PREX1: variants seen among roughly 807,000 people sequenced by gnomAD.
The protein encoded by PREX1 is phosphatidylinositol 3,4,5-trisphosphate-dependent Rac exchanger 1 protein.
A neutral mutation model predicts 198.3 loss-of-function variants in PREX1; 41 were observed. The observed-to-expected ratio is 0.21, with a 90% CI of 0.16 to 0.27. PREX1 has a LOEUF of 0.27. Ranked by LOEUF, PREX1 falls within the 10% of genes least tolerant of loss-of-function variation. PREX1 has a pLI of 1.00. For synonymous variants in PREX1, 843 were observed against 887.2 expected (o/e 0.95, Z 0.89); for missense variants, 1,620 against 2,200.7 (o/e 0.74, Z 5.28).
At position 48,794,615 on chromosome 20, in the gene PREX1, C is replaced by T. The variant is rs550369719; in HGVS notation, c.219+33027G>A. Among the ~76,000 whole-genome samples the T allele has an allele frequency of 4.6e-5, 7 of 152,226 alleles. No homozygotes were observed. The South Asian group carries it at 1.0e-3, about 23-fold the overall frequency. ...GGGCAGCCTCTGCAGAGGAGGAGGCCGGCTGGTCAGGCTGGGGGCTGGGCC... is the reference window on the plus strand; with the variant it reads ...GGGCAGCCTCTGCAGAGGAGGAGGCTGGCTGGTCAGGCTGGGGGCTGGGCC... On this transcript the variant is annotated intron_variant, in intron 1 of 39. Transcript: ENST00000371941.
At chr20:48,748,171 A>C (rs2090118086) in intron 1 of PREX1, among the ~76,000 whole-genome samples, 1 of 152,174 alleles carries the variant, frequency 6.6e-6, no homozygotes, top group Non-Finnish European at 1.5e-5. Flanking sequence ...GCCTTCGAGG[A>C]ACCTTTGGCC....
intron 1 of PREX1, among the ~76,000 whole-genome samples, chr20:48,778,259 G>A (rs1450849425): frequency 6.6e-6 from 1 of 152,148 alleles, no homozygotes; most frequent in Non-Finnish European, 1.5e-5. Context: ...CAGTGTTGGA[G>A]GATTCACATT....
At chr20:48,874,046 T>C in the PREX1 span, among the ~76,000 whole-genome samples, 1,550 of 152,198 alleles carry the variant, frequency 0.01, 13 homozygotes, top group Non-Finnish European at 0.013. Flanking sequence ...CACACCCAGG[T>C]CAGAAACGTT....
rs190992724 is a variant in PREX1, at chr20:48,675,296, G to A, written c.1665+897C>T. Reference sequence around the variant, plus strand: ...CAGACGGCAGCCTTCGACAGACACCGAACCTGCCGGCACCTTGGTCTGGAA... The same window carrying A: ...CAGACGGCAGCCTTCGACAGACACCAAACCTGCCGGCACCTTGGTCTGGAA... On this transcript the variant is annotated intron_variant, in intron 14 of 39. Coordinates refer to ENST00000371941, the MANE Select transcript of PREX1 (RefSeq NM_020820.4). 2.1e-3 allele frequency among the ~76,000 whole-genome samples: 316 copies of A among 152,304 alleles called. 2 individuals carry two copies. Among genetic ancestry groups the A allele is most frequent in the African/African-American group, 7.3e-3 (304 of 41,562 alleles).
chr20:48,746,756 T>TA (rs1234607459), intron 2 of PREX1, among the ~76,000 whole-genome samples: 4 of 138,554 alleles, frequency 2.9e-5, no homozygotes, highest in Non-Finnish European at 5.0e-5. Context: ...TTCTACCTCA[T>TA]TAAAAAAAAA....
At chr20:48,753,267 G>A (rs1287178844) in intron 1 of PREX1, among the ~76,000 whole-genome samples, 2 of 152,166 alleles carry the variant, frequency 1.3e-5, no homozygotes, top group Admixed American at 1.3e-4. Flanking sequence ...CCAAGAGTAT[G>A]AGACACTGGT....
chr20:48,695,795 T>C (rs1383745717), intron 7 of PREX1, among the ~76,000 whole-genome samples: 1 of 152,246 alleles, frequency 6.6e-6, no homozygotes, highest in Non-Finnish European at 1.5e-5. Flanking sequence ...CAATTTTTTT[T>C]CTGAAAAGGG....
chr20:48,839,746 A>G, the PREX1 span, among the ~76,000 whole-genome samples: 2 of 152,248 alleles, frequency 1.3e-5, no homozygotes, highest in Non-Finnish European at 2.9e-5. Flanking sequence ...CATCACCTCT[A>G]GTGCTGGCCC....
In PREX1 at chr20:48,655,320, C is replaced by A; in HGVS notation, c.2179G>T (p.Ala727Ser). The A allele has an allele frequency of 6.3e-7, 1 of 1,598,198 alleles. No homozygotes were observed. Residue 727 changes from alanine (A) to serine (S), a missense_variant, in exon 19 of 40, where the codon GCC (alanine) becomes TCC (serine). By Grantham distance (99) the Ala-to-Ser change is moderately conservative. Around this residue, in one of 7 missense-constraint regions of PREX1, gnomAD observed 514 missense variants for 611.6 expected, o/e 0.84. Transcript: ENST00000371941. The stretch of plus-strand genomic sequence containing the variant: ...CCCACAGCATAGACGTACGGTGGGG[C>A]AGCTCCACGAATCTGGAAGCACAGT... Reference protein sequence around the residue: ...DTLCFQIRGAAPPYVYAVGRG... With the variant: ...DTLCFQIRGASPPYVYAVGRG...
In PREX1 at chr20:48,666,589, G is replaced by A. The variant is rs899650758; in HGVS notation, c.1666-234C>T. Among the ~76,000 whole-genome samples, 4 of 152,082 alleles carry A rather than the reference G, an allele frequency of 2.6e-5. No homozygotes were observed. Among genetic ancestry groups the A allele is most frequent in the East Asian group, 1.9e-4 (1 of 5,188 alleles). ...CGCCCAGGCTGGAGTGCAGTGGCAC[G>A]ATCTCGGCTTACTGCAAGCTCCACC... On this transcript the variant is annotated intron_variant, in intron 14 of 39. Transcript: ENST00000371941. This position sits in a 1 kb window ranked among gnomAD's most constrained non-coding sequence, Gnocchi z 4.3.
intron 21 of PREX1, among the ~76,000 whole-genome samples, chr20:48,652,224 G>C (rs1298829957): frequency 3.3e-5 from 5 of 152,092 alleles, no homozygotes; most frequent in Admixed American, 3.3e-4. Flanking sequence ...TTCAGCCCAG[G>C]AGTTAAGAGA....
At chr20:48,789,576 AG>A (rs1238287576) in intron 1 of PREX1, among the ~76,000 whole-genome samples, 2 of 152,266 alleles carry the variant, frequency 1.3e-5, no homozygotes, top group Non-Finnish European at 2.9e-5. Flanking sequence ...GCTATCAGCC[AG>A]CCCCCACGCA....
the PREX1 span, among the ~76,000 whole-genome samples, chr20:48,878,464 C>T: frequency 1.3e-5 from 2 of 151,966 alleles, no homozygotes; most frequent in Non-Finnish European, 2.9e-5. Flanking sequence ...CTCAGCCTCC[C>T]GAGTAGCTGG....
intron 1 of PREX1, among the ~76,000 whole-genome samples, chr20:48,766,233 C>T (rs1389069675): frequency 2.0e-5 from 3 of 152,228 alleles, no homozygotes; most frequent in African/African-American, 7.2e-5. Context: ...CCCTTCCCCA[C>T]CCCTAGGTCC....
At chr20:48,849,981 T>G in the PREX1 span, among the ~76,000 whole-genome samples, 1 of 152,212 alleles carries the variant, frequency 6.6e-6, no homozygotes, top group African/African-American at 2.4e-5. Flanking sequence ...TGTGTGATCT[T>G]GGGCAAGTTA....
intron 1 of PREX1, among the ~76,000 whole-genome samples, chr20:48,788,270 A>T (rs774280872): frequency 2.0e-5 from 3 of 152,154 alleles, no homozygotes; most frequent in Non-Finnish European, 4.4e-5. Flanking sequence ...TGGGTGAGTG[A>T]ATTCATTCAA....
At chr20:48,855,264 A>C in the PREX1 span, among the ~76,000 whole-genome samples, 1 of 152,144 alleles carries the variant, frequency 6.6e-6, no homozygotes, top group South Asian at 2.1e-4. Flanking sequence ...TAAGAAAGCA[A>C]GATAGGGCTA....
At chr20:48,761,902 G>GA (rs1477333748) in intron 1 of PREX1, among the ~76,000 whole-genome samples, 2 of 152,146 alleles carry the variant, frequency 1.3e-5, no homozygotes, top group African/African-American at 4.8e-5. Flanking sequence ...AGCTTCTTTT[G>GA]AAAAAACTGA....
rs1465744877 is a variant in PREX1, at chr20:48,747,860, C to A, written c.240G>T (p.Arg80=). 6.2e-7 allele frequency: 1 copy of A among 1,613,324 alleles called. No individual in the cohort carries two copies. The highest frequency in any genetic ancestry group is 8.5e-7 in the Non-Finnish European group (1 of 1,179,718). Residue 80 remains arginine, a synonymous_variant, in exon 2 of 40, where the codon CGG becomes CGT. Coordinates refer to ENST00000371941, the MANE Select transcript of PREX1 (RefSeq NM_020820.4). ...TCTCCACTGAGTCGGCCACGTTCTG[C>A]CGGATGCGATGCAGGAATGCCTGGA... ...FLQSAFLHRI[R]QNVADSVEKG...
Sources: allele counts gnomAD v4.1 joint callset (sites outside exome capture counted in the v4.1 genomes callset), GRCh38; gene constraint gnomAD v4.1.1; regional missense constraint gnomAD v4.1.1; non-coding constraint Gnocchi (gnomAD v3.1); transcripts MANE v1.5; gene names NCBI Gene and HGNC (gene_info 2026-07-23, HGNC 2026-07-21).